GPC5: variants seen among roughly 807,000 people sequenced by gnomAD.
GPC5 encodes glypican-5.
In GPC5, 47 loss-of-function variants were observed where a neutral mutation model predicts 53.9. That is an observed-to-expected ratio of 0.87 (90% confidence interval 0.69 to 1.11). The LOEUF (loss-of-function observed/expected upper bound fraction) is 1.11. Ranked by LOEUF, GPC5 falls within the 50% of genes most tolerant of loss-of-function variation. The probability of loss-of-function intolerance (pLI) is 0.00; values close to 1 mark genes in which losing one functional copy is unlikely to be tolerated. For synonymous variants in GPC5, 286 were observed against 263.3 expected (o/e 1.09, Z -0.84); for missense variants, 748 against 713.1 (o/e 1.05, Z -0.56).
At chr13:91,666,740 T>A (rs1401113674) in intron 2 of GPC5, among the ~76,000 whole-genome samples, 1 of 152,170 alleles carries the variant, frequency 6.6e-6, no homozygotes, top group African/African-American at 2.4e-5. Context: ...GCATAAAGTA[T>A]ATTTTTGTTT....
chr13:91,900,168 AAGC>A (rs2039483638), intron 5 of GPC5, among the ~76,000 whole-genome samples: 1 of 152,174 alleles, frequency 6.6e-6, no homozygotes, highest in Non-Finnish European at 1.5e-5. Flanking sequence ...AAATACAAAA[AAGC>A]TATATAAGAT....
chr13:92,607,242 C>T (rs925890063), intron 7 of GPC5, among the ~76,000 whole-genome samples: 4 of 152,094 alleles, frequency 2.6e-5, no homozygotes, highest in Non-Finnish European at 5.9e-5. Context: ...AAATGTAAAG[C>T]TCTCTTTCCT....
chr13:92,004,461 TATATATA>T (rs373087502), intron 6 of GPC5, among the ~76,000 whole-genome samples: 6,259 of 41,352 alleles, frequency 0.15, 269 homozygotes, highest in Middle Eastern at 0.27. Context: ...AAAAAAATTA[TATATATA>T]TATATATATA....
At chr13:91,972,719 C>T (rs2040255713) in intron 6 of GPC5, among the ~76,000 whole-genome samples, 1 of 152,134 alleles carries the variant, frequency 6.6e-6, no homozygotes, top group African/African-American at 2.4e-5. Context: ...TTCTCCTTCA[C>T]TTGTTAAGCT....
chr13:92,076,329 C>T (rs1045202108), intron 6 of GPC5, among the ~76,000 whole-genome samples: 1 of 152,100 alleles, frequency 6.6e-6, no homozygotes, highest in African/African-American at 2.4e-5. Flanking sequence ...CCTCGGCCTC[C>T]CAAAGTGCTG....
At chr13:92,740,960 G>GTATA (rs1555308306) in intron 7 of GPC5, among the ~76,000 whole-genome samples, 2 of 117,758 alleles carry the variant, frequency 1.7e-5, no homozygotes, top group East Asian at 2.3e-4. Flanking sequence ...ATATGTATGT[G>GTATA]TATATATATA....
chr13:91,865,966 A>G (rs780075752), intron 5 of GPC5, among the ~76,000 whole-genome samples: 7 of 152,124 alleles, frequency 4.6e-5, no homozygotes, highest in Non-Finnish European at 8.8e-5. Flanking sequence ...CTCCTGGGTT[A>G]AAGTGCTTCT....
At chr13:92,152,507 T>G (rs1288395661) in intron 7 of GPC5, among the ~76,000 whole-genome samples, 1 of 152,108 alleles carries the variant, frequency 6.6e-6, no homozygotes, top group Non-Finnish European at 1.5e-5. Flanking sequence ...TAAAAATGCT[T>G]CTATAAATTA....
chr13:92,313,843 G>T (rs1288852737), intron 7 of GPC5, among the ~76,000 whole-genome samples: 1 of 152,042 alleles, frequency 6.6e-6, no homozygotes, highest in Admixed American at 6.6e-5. Context: ...TACTCTTACC[G>T]ATTGCTCCAT....
chr13:92,191,408 A>ACT (rs2042221868), intron 7 of GPC5, among the ~76,000 whole-genome samples: 2 of 152,268 alleles, frequency 1.3e-5, no homozygotes, highest in East Asian at 3.9e-4. Flanking sequence ...AGCAGCTGGA[A>ACT]CTCTCAATAA....
intron 7 of GPC5, among the ~76,000 whole-genome samples, chr13:92,639,449 G>T (rs1885517453): frequency 6.6e-6 from 1 of 152,134 alleles, no homozygotes; most frequent in Non-Finnish European, 1.5e-5. Flanking sequence ...CTGTATCATA[G>T]ATACTGTGAA....
At chr13:92,236,465 G>GA (rs1445502983) in intron 7 of GPC5, among the ~76,000 whole-genome samples, 3 of 151,988 alleles carry the variant, frequency 2.0e-5, no homozygotes, top group Non-Finnish European at 4.4e-5. Context: ...GATCCCAGTA[G>GA]AAAAAATAGA....
chr13:92,778,791 C>G (rs777463567), intron 7 of GPC5, among the ~76,000 whole-genome samples: 2 of 151,804 alleles, frequency 1.3e-5, no homozygotes, highest in Non-Finnish European at 2.9e-5. Context: ...TTCTATCTGT[C>G]TGCATTCATG....
intron 4 of GPC5, among the ~76,000 whole-genome samples, chr13:91,751,852 G>C (rs922951055): frequency 4.7e-4 from 72 of 152,062 alleles, no homozygotes; most frequent in Non-Finnish European, 3.8e-4. Context: ...TCTTTCTAAT[G>C]CTCACTGTAC....
chr13:91,646,591 G>A (rs1348668203), intron 2 of GPC5, among the ~76,000 whole-genome samples: 1 of 151,978 alleles, frequency 6.6e-6, no homozygotes, highest in Non-Finnish European at 1.5e-5. Context: ...TGGTTTAATG[G>A]CTTTATTTTC....
At chr13:91,410,360 T>C (rs1877634736) in intron 1 of GPC5, among the ~76,000 whole-genome samples, 1 of 146,246 alleles carries the variant, frequency 6.8e-6, no homozygotes. Context: ...TTTTTTTTTT[T>C]TTTGAGACCA....
At chr13:91,990,294 T>A (rs2138733150) in intron 6 of GPC5, among the ~76,000 whole-genome samples, 1 of 152,314 alleles carries the variant, frequency 6.6e-6, no homozygotes, top group Non-Finnish European at 1.5e-5. Context: ...CTTTAAAGTA[T>A]CAGTGATCTG....
chr13:92,536,238 A>G (rs1235228886), intron 7 of GPC5, among the ~76,000 whole-genome samples: 2 of 152,168 alleles, frequency 1.3e-5, no homozygotes, highest in African/African-American at 2.4e-5. Flanking sequence ...CCAACTATCC[A>G]TGTCAGCTAC....
intron 7 of GPC5, among the ~76,000 whole-genome samples, chr13:92,704,421 A>AAATT (rs1887871301): frequency 6.6e-6 from 1 of 152,024 alleles, no homozygotes; most frequent in Admixed American, 6.6e-5. Flanking sequence ...TTAAAAAGGA[A>AAATT]AATTATGTTT....
Sources: allele counts gnomAD v4.1 joint callset (sites outside exome capture counted in the v4.1 genomes callset), GRCh38; gene constraint gnomAD v4.1.1; transcripts MANE v1.5; gene names NCBI Gene and HGNC (gene_info 2026-07-23, HGNC 2026-07-21).